GNAZ: variants seen among roughly 807,000 people sequenced by gnomAD.
The protein encoded by GNAZ is G protein subunit alpha z, also known as guanine nucleotide-binding protein G(z) subunit alpha.
Under a neutral mutation model 25.4 loss-of-function variants are expected in GNAZ, and 3 were observed. The observed-to-expected ratio is 0.12, with a 90% confidence interval of 0.05 to 0.30. GNAZ has a LOEUF of 0.30. GNAZ is among the 10% of genes least tolerant of loss of function. The probability of loss-of-function intolerance (pLI) is 1.00; values close to 1 mark genes in which losing one functional copy is unlikely to be tolerated. For missense variants in GNAZ, 241 were observed against 501.8 expected (o/e 0.48, Z 4.97); for synonymous variants, 211 against 205.7 (o/e 1.03, Z -0.22).
chr22:23,103,880 C>T (rs993128715), intron 2 of GNAZ, among the ~76,000 whole-genome samples: 16 of 152,208 alleles, frequency 1.1e-4, no homozygotes, highest in African/African-American at 3.6e-4. Context: ...CTGGCTTCCC[C>T]AGTGCCTACA....
In GNAZ at chr22:23,123,512, C is replaced by G. The variant is rs572731370; in HGVS notation, c.*81C>G. 9 of 862,438 alleles carry G rather than the reference C, an allele frequency of 1.0e-5. No individual in the cohort carries two copies. The African/African-American group carries it at 1.4e-4, about 13-fold the overall frequency. 53.4% of individuals were successfully genotyped at this position (862,438 alleles called of 1,614,324 possible). A position where few individuals can be genotyped will look rare whatever the true frequency, so the allele number is the denominator to read the frequency against. On this transcript the variant is annotated 3_prime_UTR_variant, in exon 3 of 3. Transcript: ENST00000615612. ...CAACGCGTGCTAGAGAGGCCCAATC[C>G]AGGGGCAGAAAACAGGGGGCCTAAA...
At chr22:23,079,104 A>G (rs555132797) in intron 1 of GNAZ, among the ~76,000 whole-genome samples, 1 of 152,316 alleles carries the variant, frequency 6.6e-6, no homozygotes, top group South Asian at 2.1e-4. Context: ...TACATCAATG[A>G]ACAAACAGAC....
At chr22:23,102,621 C>T (rs1479032403) in intron 2 of GNAZ, among the ~76,000 whole-genome samples, 1 of 152,240 alleles carries the variant, frequency 6.6e-6, no homozygotes, top group Admixed American at 6.5e-5. Context: ...ACCTGCTCTG[C>T]CTGCAGGGCC....
intron 1 of GNAZ, among the ~76,000 whole-genome samples, chr22:23,095,011 C>T (rs2069082688): frequency 6.6e-6 from 1 of 152,230 alleles, no homozygotes; most frequent in South Asian, 2.1e-4. Context: ...ACACACCCTC[C>T]TCTCCCTCAT....
intron 2 of GNAZ, among the ~76,000 whole-genome samples, chr22:23,108,268 C>T (rs1832301699): frequency 6.6e-6 from 1 of 152,270 alleles, no homozygotes; most frequent in African/African-American, 2.4e-5. Context: ...GGTCCCCAAG[C>T]AGACAGCACT....
rs1210499666 is a variant in GNAZ at position 23,095,809 on chromosome 22, G to C, written c.114G>C (p.Leu38=). 1 of 1,613,506 alleles carries C rather than the reference G, an allele frequency of 6.2e-7. No homozygotes were observed. Among genetic ancestry groups the C allele is most frequent in the Non-Finnish European group, 8.5e-7 (1 of 1,180,028 alleles). ...QRQRREIKLL[L]LGTSNSGKST... ...AACGCCGCGAAATCAAGCTGCTCCT[G>C]CTGGGCACCAGCAACTCAGGCAAGA... Residue 38 remains leucine, a synonymous_variant, in exon 2 of 3, where the codon CTG becomes CTC. Transcript: ENST00000615612.
chr22:23,078,150 G>C (rs899890941), intron 1 of GNAZ, among the ~76,000 whole-genome samples: 1 of 152,204 alleles, frequency 6.6e-6, no homozygotes, highest in Non-Finnish European at 1.5e-5. Context: ...CCTCCAGCAT[G>C]GTCACCCCCT....
At chr22:23,111,188 C>T (rs754958973) in intron 2 of GNAZ, among the ~76,000 whole-genome samples, 7 of 152,216 alleles carry the variant, frequency 4.6e-5, no homozygotes, top group African/African-American at 7.2e-5. Context: ...TGGTTTTTGT[C>T]TGTCTGCCCC....
At chr22:23,091,461 C>T (rs548727943) in intron 1 of GNAZ, among the ~76,000 whole-genome samples, 1 of 151,604 alleles carries the variant, frequency 6.6e-6, no homozygotes, top group East Asian at 1.9e-4. Flanking sequence ...CCTATGCATA[C>T]ACACACACAC....
intron 2 of GNAZ, among the ~76,000 whole-genome samples, chr22:23,119,768 G>A (rs1414701828): frequency 6.6e-6 from 1 of 152,208 alleles, no homozygotes; most frequent in African/African-American, 2.4e-5. Context: ...TGAGGTATGT[G>A]GTTGGTGCCT....
rs367585946 is a variant in GNAZ, at chr22:23,096,022, G to A, written c.327G>A (p.Ala109=). 87 of 1,607,134 alleles carry A rather than the reference G, an allele frequency of 5.4e-5. No homozygotes were observed. Among genetic ancestry groups the A allele is most frequent in the East Asian group, 8.9e-5 (4 of 44,884 alleles). Residue 109 remains alanine (A), a synonymous_variant, in exon 2 of 3, where the codon GCG becomes GCA. Transcript: ENST00000615612. The part of the protein sequence containing the change: ...DRAYDAVQLF[A]LTGPAESKGE... ...CCTACGACGCTGTGCAGCTCTTTGCGCTGACGGGCCCCGCTGAGAGCAAGG... is the reference window on the plus strand; with the variant it reads ...CCTACGACGCTGTGCAGCTCTTTGCACTGACGGGCCCCGCTGAGAGCAAGG...
chr22:23,095,803 G>C lies in GNAZ; in HGVS notation c.108G>C (p.Leu36=). The C allele has an allele frequency of 6.2e-7, 1 of 1,613,452 alleles. No homozygotes were observed. ...ESQRQRREIK[L]LLLGTSNSGK... ...AGCGGCAACGCCGCGAAATCAAGCT[G>C]CTCCTGCTGGGCACCAGCAACTCAG... Residue 36 remains leucine, a synonymous_variant, in exon 2 of 3, where the codon CTG becomes CTC. Transcript: ENST00000615612.
chr22:23,075,332 GGCAATTGCCTGCT>G (rs1287499785), intron 1 of GNAZ, among the ~76,000 whole-genome samples: 1 of 152,168 alleles, frequency 6.6e-6, no homozygotes, highest in African/African-American at 2.4e-5. Flanking sequence ...AACTGCAGCA[GGCAATTGCCTGCT>G]GCAATTCTTC....
At chr22:23,103,518 T>C (rs2069365483) in intron 2 of GNAZ, among the ~76,000 whole-genome samples, 1 of 152,244 alleles carries the variant, frequency 6.6e-6, no homozygotes, top group South Asian at 2.1e-4. Context: ...GGGTTGCATC[T>C]GTTCGTGTTT....
intron 1 of GNAZ, among the ~76,000 whole-genome samples, chr22:23,085,513 G>A (rs992737105): frequency 6.6e-6 from 1 of 152,230 alleles, no homozygotes; most frequent in Non-Finnish European, 1.5e-5. Context: ...TAGGAGCAAC[G>A]GGAGAAGCAG....
At chr22:23,106,958 G>A (rs2069500175) in intron 2 of GNAZ, among the ~76,000 whole-genome samples, 1 of 152,260 alleles carries the variant, frequency 6.6e-6, no homozygotes, top group Non-Finnish European at 1.5e-5. Context: ...AACCAGGGAG[G>A]GCAGACAGGA....
At position 23,071,955 on chromosome 22, in the gene GNAZ, C is replaced by T. The variant is rs2068389863; in HGVS notation, c.-450+1385C>T. ...TGGGGGCTGCACGGGGCTGAGGGAG[C>T]TGGGAAGTGGAATGACCCCACTGCT... On this transcript the variant is annotated intron_variant, in intron 1 of 2. Coordinates refer to ENST00000615612, the MANE Select transcript of GNAZ (RefSeq NM_002073.4). The surrounding 1 kb of genome is among the most constrained non-coding windows in gnomAD (Gnocchi z 4.1). Among the ~76,000 whole-genome samples the T allele has an allele frequency of 6.6e-6, 1 of 152,054 alleles. No individual in the cohort carries two copies. Among genetic ancestry groups the T allele is most frequent in the Non-Finnish European group, 1.5e-5 (1 of 67,990 alleles).
chr22:23,103,776 G>A (rs1390961409), intron 2 of GNAZ, among the ~76,000 whole-genome samples: 1 of 152,178 alleles, frequency 6.6e-6, no homozygotes, highest in Non-Finnish European at 1.5e-5. Flanking sequence ...TCAGTCTAGG[G>A]ACAGAGGCAG....
intron 2 of GNAZ, among the ~76,000 whole-genome samples, chr22:23,117,960 A>G (rs911908621): frequency 2.0e-5 from 3 of 152,212 alleles, no homozygotes; most frequent in African/African-American, 7.2e-5. Context: ...ATGTCCTTCC[A>G]GGTGCCGGAC....
Sources: allele counts gnomAD v4.1 joint callset (sites outside exome capture counted in the v4.1 genomes callset), GRCh38; gene constraint gnomAD v4.1.1; non-coding constraint Gnocchi (gnomAD v3.1); transcripts MANE v1.5; gene names NCBI Gene and HGNC (gene_info 2026-07-23, HGNC 2026-07-21).